MANBA: variants seen among roughly 807,000 people sequenced by gnomAD.
MANBA encodes the protein mannosidase beta, also known as beta-mannosidase.
MANBA carries 83 observed loss-of-function variants against 111.1 expected under a neutral mutation model. The observed-to-expected ratio is 0.75, with a 90% CI of 0.63 to 0.90. The LOEUF is 0.90. MANBA is among the 40% of genes least tolerant of loss of function. The pLI is 0.00. For synonymous variants in MANBA, 370 were observed against 378.7 expected, an observed-to-expected ratio of 0.98 and a Z score of 0.27; for missense variants, 1,036 against 1,069.0, an observed-to-expected ratio of 0.97 and a Z score of 0.43.
Position 102,726,652 on chromosome 4 carries a change from T to C in MANBA, c.209A>G (p.Tyr70Cys), listed in dbSNP as rs777221601. ...DSYYRFNDLN[Y>C]RWVSLDNWTY... The stretch of plus-strand genomic sequence containing the variant: ...CCAGTTATCCAAAGAGACCCATCTG[T>C]AGTTAAGGTCATTAAATCTGTAGTA... Residue 70 changes from tyrosine to cysteine, a missense_variant, in exon 2 of 17, where the codon TAC (tyrosine) becomes TGC (cysteine). Tyr to Cys is a radical substitution (Grantham distance 194). Coordinates refer to ENST00000647097, the MANE Select transcript of MANBA (RefSeq NM_005908.4). 2 of 1,572,942 alleles carry C rather than the reference T, an allele frequency of 1.3e-6. No individual in the cohort carries two copies. Among genetic ancestry groups the C allele is most frequent in the South Asian group, 2.2e-5 (2 of 89,862 alleles).
chr4:102,742,423 C>T (rs1271550209), intron 1 of MANBA, among the ~76,000 whole-genome samples: 1 of 152,044 alleles, frequency 6.6e-6, no homozygotes, highest in Non-Finnish European at 1.5e-5. Flanking sequence ...GAAACAGTAC[C>T]ATATATTGAA....
At chr4:102,743,110 C>A (rs1207185658) in intron 1 of MANBA, among the ~76,000 whole-genome samples, 1 of 152,242 alleles carries the variant, frequency 6.6e-6, no homozygotes, top group Non-Finnish European at 1.5e-5. Context: ...TATTAAAATC[C>A]TCCTCTGCCA....
intron 1 of MANBA, among the ~76,000 whole-genome samples, chr4:102,745,710 A>G (rs771119875): frequency 9.9e-5 from 15 of 152,208 alleles, no homozygotes; most frequent in Non-Finnish European, 1.8e-4. Flanking sequence ...TGCAACATCA[A>G]AAGCAGAATC....
intron 3 of MANBA, among the ~76,000 whole-genome samples, chr4:102,723,373 T>C (rs2110193963): frequency 6.6e-6 from 1 of 152,332 alleles, no homozygotes; most frequent in East Asian, 1.9e-4. Flanking sequence ...ATATGTGGCC[T>C]TGAACTGCCA....
At chr4:102,642,515 G>A (rs1281147138) in intron 13 of MANBA, among the ~76,000 whole-genome samples, 1 of 151,950 alleles carries the variant, frequency 6.6e-6, no homozygotes, top group African/African-American at 2.4e-5. Flanking sequence ...GCTGAGGCAG[G>A]AGAATGGCTT....
At chr4:102,650,401 T>C (rs1263035426) in intron 13 of MANBA, 136 bp downstream of exon 13, 3 of 911,372 alleles carry the variant, frequency 3.3e-6, no homozygotes, top group South Asian at 3.0e-5. Flanking sequence ...TCATATATGT[T>C]CTTTGAAGAA....
chr4:102,684,218 C>T (rs1732107717), intron 7 of MANBA, among the ~76,000 whole-genome samples: 1 of 151,760 alleles, frequency 6.6e-6, no homozygotes, highest in Non-Finnish European at 1.5e-5. Flanking sequence ...ATATTTAAAA[C>T]AGAATTATTT....
intron 16 of MANBA, among the ~76,000 whole-genome samples, chr4:102,634,280 A>G (rs1205212124): frequency 6.6e-6 from 1 of 152,246 alleles, no homozygotes; most frequent in Non-Finnish European, 1.5e-5. Flanking sequence ...AATAAATCAA[A>G]GAGACTAGAG....
At chr4:102,651,305 T>C (rs1405837163) in intron 12 of MANBA, among the ~76,000 whole-genome samples, 1 of 152,040 alleles carries the variant, frequency 6.6e-6, no homozygotes, top group Non-Finnish European at 1.5e-5. Flanking sequence ...CCCTAAAAAA[T>C]CAATTTTTTA....
chr4:102,729,460 T>G, intron 1 of MANBA: 1 of 1,289,724 alleles, frequency 7.8e-7, no homozygotes, highest in South Asian at 1.3e-5. Context: ...GTCCGAGATC[T>G]GGGACTGCAG....
intron 1 of MANBA, chr4:102,734,717 C>A: frequency 1.3e-6 from 1 of 767,326 alleles, no homozygotes; most frequent in African/African-American, 1.8e-5. Flanking sequence ...GGTTCAGGGT[C>A]TGAGGAGGCT....
chr4:102,709,561 A>T (rs1721960028), intron 5 of MANBA, among the ~76,000 whole-genome samples: 1 of 152,182 alleles, frequency 6.6e-6, no homozygotes, highest in Non-Finnish European at 1.5e-5. Context: ...AAATTTTACC[A>T]AAGTTACAAC....
intron 11 of MANBA, among the ~76,000 whole-genome samples, chr4:102,663,758 C>G (rs753880995): frequency 1.3e-5 from 2 of 152,038 alleles, no homozygotes; most frequent in Non-Finnish European, 2.9e-5. Context: ...GTAAAGACAA[C>G]CAGATTATTA....
chr4:102,669,786 C>G (rs995866780), intron 9 of MANBA, among the ~76,000 whole-genome samples: 1 of 152,162 alleles, frequency 6.6e-6, no homozygotes, highest in African/African-American at 2.4e-5. Flanking sequence ...CGAGACCATC[C>G]TGGCTAACAC....
intron 16 of MANBA, 62 bp from the exon 17 acceptor site, chr4:102,632,343 T>C (rs972722718): frequency 5.4e-6 from 7 of 1,293,788 alleles, no homozygotes; most frequent in South Asian, 1.2e-5. Context: ...ATAGTCTGTA[T>C]ACAGTTCCTG....
rs543199314 is a variant in MANBA, at chr4:102,672,388, A to C, written c.1113-990T>G. 6.6e-5 allele frequency among the ~76,000 whole-genome samples: 10 copies of C among 152,342 alleles called. 1 individual carries two copies. In the East Asian group the frequency reaches 1.9e-3, roughly 29 times the overall value. ...TGCAAAGATTTAAGTTTACAGATCC[A>C]ATTAGGAAATATTATTTTCTTCCAA... is the stretch of plus-strand genomic sequence containing the variant. On this transcript the variant is annotated intron_variant, in intron 8 of 16. Coordinates refer to ENST00000647097, the MANE Select transcript of MANBA (RefSeq NM_005908.4).
chr4:102,742,690 G>A (rs1158027865), intron 1 of MANBA, among the ~76,000 whole-genome samples: 2 of 152,188 alleles, frequency 1.3e-5, no homozygotes, highest in Non-Finnish European at 1.5e-5. Context: ...TGGTGGATAA[G>A]GCATTATGTC....
At chr4:102,722,598 A>G (rs930009318) in intron 4 of MANBA, 1 of 417,214 alleles carries the variant, frequency 2.4e-6, no homozygotes, top group Non-Finnish European at 4.4e-6. Context: ...AATAATTTGT[A>G]AAGTTCCATT....
chr4:102,699,975 A>C (rs1453756492), intron 5 of MANBA, among the ~76,000 whole-genome samples: 1 of 152,046 alleles, frequency 6.6e-6, no homozygotes, highest in Non-Finnish European at 1.5e-5. Flanking sequence ...TCAGCTGTAA[A>C]TCCATCTGGT....
Sources: gnomAD v4.1 joint callset for allele counts (sites outside exome capture counted in the v4.1 genomes callset) on GRCh38, gnomAD v4.1.1 for gene constraint, MANE v1.5 for transcripts, NCBI Gene and HGNC (gene_info 2026-07-23, HGNC 2026-07-21) for gene names.